Variants in SLC25A36 observed in about 807,000 individuals in gnomAD.
SLC25A36 encodes the protein epididymis secretory sperm binding protein.
SLC25A36 carries 24 observed loss-of-function variants against 35.3 expected under a neutral mutation model. The observed-to-expected ratio is 0.68, with a 90% CI of 0.49 to 0.96. The LOEUF (loss-of-function observed/expected upper bound fraction) is 0.96, where lower values mean the gene tolerates loss of function less well. SLC25A36 is among the 40% of genes least tolerant of loss of function. The pLI is 0.00. For synonymous variants in SLC25A36, 141 were observed against 132.2 expected (o/e 1.07, Z -0.46); for missense variants, 294 against 381.1 (o/e 0.77, Z 1.90).
Position 140,966,781 on chromosome 3 carries a change from T to C in SLC25A36, c.385+3554T>C, listed in dbSNP as rs550519116. On this transcript the variant is annotated intron_variant, in intron 4 of 6. Transcript: ENST00000324194. Reference sequence around the variant, plus strand: ...TTTTTTTAAATGGCCCATTTTGATATTCCTTTCTTTTTTTTAACTTAAAAT... The same window carrying C: ...TTTTTTTAAATGGCCCATTTTGATACTCCTTTCTTTTTTTTAACTTAAAAT... The C allele has an allele frequency of 2.6e-5, 10 of 380,446 alleles. No individual in the cohort carries two copies. The East Asian group carries it at 7.3e-4, about 28-fold the overall frequency. 23.6% of individuals were successfully genotyped at this position (380,446 alleles called of 1,614,324 possible). A position where few individuals can be genotyped will look rare whatever the true frequency, so the allele number is the denominator to read the frequency against.
intron 2 of SLC25A36, among the ~76,000 whole-genome samples, chr3:140,958,986 G>C (rs1182580587): frequency 7.0e-6 from 1 of 143,740 alleles, no homozygotes; most frequent in Non-Finnish European, 1.5e-5. Flanking sequence ...GTGTGTGTGT[G>C]TGTGTGTGTG....
rs11542224 is a variant in SLC25A36, at chr3:140,976,910, C to G, written c.*457C>G. ...GATCGTCAGTATTATTTTCACATTTCCCTGAGAGGACCTGGCACAATATTT... is the reference window on the plus strand; with the variant it reads ...GATCGTCAGTATTATTTTCACATTTGCCTGAGAGGACCTGGCACAATATTT... On this transcript the variant is annotated 3_prime_UTR_variant, in exon 7 of 7. Transcript: ENST00000324194. 1 of 152,330 alleles carries G rather than the reference C, an allele frequency of 6.6e-6. No individual in the cohort carries two copies. Among genetic ancestry groups the G allele is most frequent in the Non-Finnish European group, 1.5e-5 (1 of 68,154 alleles). 9.4% of individuals were successfully genotyped at this position (152,330 alleles called of 1,614,324 possible). A position where few individuals can be genotyped will look rare whatever the true frequency, so the allele number is the denominator to read the frequency against.
chr3:140,970,606 A>G (rs891057544), intron 4 of SLC25A36: 2 of 162,816 alleles, frequency 1.2e-5, no homozygotes, highest in African/African-American at 2.4e-5. Flanking sequence ...CAAAATGTCT[A>G]TGTGTTTGTA....
chr3:140,955,249 A>ATG (rs1934448824), intron 1 of SLC25A36, among the ~76,000 whole-genome samples: 2 of 151,818 alleles, frequency 1.3e-5, no homozygotes, highest in Admixed American at 6.6e-5. Flanking sequence ...CTTTATATAT[A>ATG]TGTGTGTGTG....
At chr3:140,964,395 T>G (rs1280296348) in intron 4 of SLC25A36, 2 of 152,072 alleles carry the variant, frequency 1.3e-5, no homozygotes, top group East Asian at 3.9e-4. Context: ...GGGCAAATTA[T>G]GTAATTTATG....
In SLC25A36 at chr3:140,970,987, A is replaced by C. The variant is rs141249198; in HGVS notation, c.446A>C (p.Asp149Ala). 5.7e-6 allele frequency: 8 copies of C among 1,399,792 alleles called. No individual in the cohort carries two copies. Among genetic ancestry groups the C allele is most frequent in the Non-Finnish European group, 8.1e-6 (8 of 986,998 alleles). The allele number at this position is 1,399,792 out of a possible 1,614,324, so 86.7% of individuals were successfully genotyped here. A position where few individuals can be genotyped will look rare whatever the true frequency, so the allele number is the denominator to read the frequency against. ...CTTATAAAGACTCGGTTACAGCTTGATGCAAGGTATGTTAATTCCTTAAAA... is the reference window on the plus strand; with the variant it reads ...CTTATAAAGACTCGGTTACAGCTTGCTGCAAGGTATGTTAATTCCTTAAAA... ...IWLIKTRLQLDARNRGERRMG... is the reference protein window; with the variant it reads ...IWLIKTRLQLAARNRGERRMG... The change falls in exon 5 of 7, where the codon GAT becomes GCT. Residue 149 changes from aspartate to alanine, a missense_variant. Physicochemically the swap from Asp to Ala is moderately radical, Grantham distance 126. This residue lies in a region of SLC25A36 where 185 missense variants were observed against 201.5 expected (regional missense o/e 0.92). Coordinates refer to ENST00000324194, the MANE Select transcript of SLC25A36 (RefSeq NM_001104647.3).
Position 140,974,022 on chromosome 3 carries a change from A to G in SLC25A36, c.742+17A>G, listed in dbSNP as rs1419062291. On this transcript the variant is annotated intron_variant, in intron 6 of 6. Transcript: ENST00000324194. ...ATCCACATGGTAAGAAGAGTTATCT[A>G]TTAAATCAGAAATATTTTCCCACCC... The G allele has an allele frequency of 1.3e-6, 2 of 1,485,234 alleles. No homozygotes were observed. The highest frequency in any genetic ancestry group is 4.6e-5 in the East Asian group (2 of 43,344). The allele number at this position is 1,485,234 out of a possible 1,614,324, so 92.0% of individuals were successfully genotyped here. A position where few individuals can be genotyped will look rare whatever the true frequency, so the allele number is the denominator to read the frequency against.
intron 3 of SLC25A36, 74 bp from the exon 4 acceptor site, chr3:140,963,053 T>G: frequency 1.1e-6 from 1 of 912,338 alleles, no homozygotes; most frequent in East Asian, 2.8e-5. Flanking sequence ...ATTCTAAAAT[T>G]ATGAAGATCA....
In SLC25A36 at chr3:140,976,978, A is replaced by G. The variant is rs1233938873; in HGVS notation, c.*525A>G. The G allele has an allele frequency of 6.6e-6, 1 of 152,238 alleles. No homozygotes were observed. Among genetic ancestry groups the G allele is most frequent in the Non-Finnish European group, 1.5e-5 (1 of 68,062 alleles). 9.4% of individuals were successfully genotyped at this position (152,238 alleles called of 1,614,324 possible). A position where few individuals can be genotyped will look rare whatever the true frequency, so the allele number is the denominator to read the frequency against. ...CAGTAGTCACTGTTTTTGACAACCA[A>G]TGAAATAGCGTCTAAATATCTTGTA... On this transcript the variant is annotated 3_prime_UTR_variant, in exon 7 of 7. Transcript: ENST00000324194.
intron 3 of SLC25A36, among the ~76,000 whole-genome samples, chr3:140,961,577 C>T (rs531155607): frequency 1.6e-4 from 25 of 151,892 alleles, no homozygotes; most frequent in African/African-American, 5.1e-4. Flanking sequence ...GAATATTGAC[C>T]GGGCAGAGTG....
At chr3:140,947,445 A>G (rs1474712819) in intron 1 of SLC25A36, among the ~76,000 whole-genome samples, 2 of 152,112 alleles carry the variant, frequency 1.3e-5, no homozygotes, top group Non-Finnish European at 2.9e-5. Context: ...AGCTCCCAAC[A>G]AAGGCCTTTT....
chr3:140,968,330 G>A (rs1295224511), intron 4 of SLC25A36: 1 of 781,062 alleles, frequency 1.3e-6, no homozygotes, highest in East Asian at 1.3e-4. Flanking sequence ...CCAATGGTTT[G>A]CTGGCATTTA....
At chr3:140,960,915 CA>C (rs1934611028) in intron 3 of SLC25A36, among the ~76,000 whole-genome samples, 1 of 152,116 alleles carries the variant, frequency 6.6e-6, no homozygotes, top group Admixed American at 6.6e-5. Context: ...TGGGACAAAC[CA>C]AACAGATAGA....
chr3:140,948,323 AG>A (rs1394153097), intron 1 of SLC25A36, among the ~76,000 whole-genome samples: 1 of 151,664 alleles, frequency 6.6e-6, no homozygotes, highest in African/African-American at 2.4e-5. Context: ...CTTCATCTTT[AG>A]TGATTGATAT....
chr3:140,958,882 A>T (rs1490510326), intron 2 of SLC25A36, among the ~76,000 whole-genome samples: 5 of 151,816 alleles, frequency 3.3e-5, no homozygotes, highest in African/African-American at 1.2e-4. Context: ...AAAGAATCTG[A>T]ACAGATTTTT....
intron 6 of SLC25A36, among the ~76,000 whole-genome samples, chr3:140,975,567 T>C (rs1314487829): frequency 6.6e-6 from 1 of 152,184 alleles, no homozygotes; most frequent in African/African-American, 2.4e-5. Context: ...TAAAAAAAAG[T>C]AGTTACATAG....
intron 1 of SLC25A36, among the ~76,000 whole-genome samples, chr3:140,951,739 G>T (rs1018216211): frequency 4.0e-5 from 6 of 151,784 alleles, no homozygotes; most frequent in Middle Eastern, 3.2e-3. Flanking sequence ...AAATGATCCG[G>T]CTTCCTCGGT....
In SLC25A36 at chr3:140,945,204, G is replaced by T. The variant is rs377149698; in HGVS notation, c.41+3109G>T. On this transcript the variant is annotated intron_variant, in intron 1 of 6. Coordinates refer to ENST00000324194, the MANE Select transcript of SLC25A36 (RefSeq NM_001104647.3). ...GTAGGAGAGGCTAGCCAAGATCTCT[G>T]GTGTCTTATAAAGGTACTAATCCCA... 1.9e-3 allele frequency among the ~76,000 whole-genome samples: 289 copies of T among 152,208 alleles called. 1 individual carries two copies. Among genetic ancestry groups the T allele is most frequent in the Non-Finnish European group, 3.1e-3 (208 of 67,996 alleles).
At position 140,956,575 on chromosome 3, in the gene SLC25A36, A is replaced by G. The variant is rs898257220; in HGVS notation, c.90A>G (p.Val30=). 1.9e-6 allele frequency: 3 copies of G among 1,612,710 alleles called. No individual in the cohort carries two copies. The highest frequency in any genetic ancestry group is 1.3e-5 in the African/African-American group (1 of 74,758). Residue 30 remains valine (V), a synonymous_variant, in exon 2 of 7, where the codon GTA becomes GTG. Coordinates refer to ENST00000324194, the MANE Select transcript of SLC25A36 (RefSeq NM_001104647.3). ...TTCTGACATGTCCACTGGAAGTTGT[A>G]AAAACACGACTGCAGTCATCTTCTG... ...GAILTCPLEV[V]KTRLQSSSVT... is the part of the protein sequence containing the mutation.
Sources: allele counts gnomAD v4.1 joint callset (sites outside exome capture counted in the v4.1 genomes callset), GRCh38; gene constraint gnomAD v4.1.1; regional missense constraint gnomAD v4.1.1; transcripts MANE v1.5; gene names NCBI Gene and HGNC (gene_info 2026-07-23, HGNC 2026-07-21).